The following ACOX2 variants were observed in gnomAD, a reference collection of about 807,000 sequenced individuals.
The protein encoded by ACOX2 is peroxisomal acyl-coenzyme A oxidase 2.
Under a neutral mutation model 77.5 loss-of-function variants are expected in ACOX2, and 59 were observed. That is an observed-to-expected ratio of 0.76 (90% CI 0.62 to 0.95). The LOEUF (loss-of-function observed/expected upper bound fraction) is 0.95, where lower values mean the gene tolerates loss of function less well. Among genes scored for constraint, ACOX2 ranks in the 40% least tolerant of loss-of-function variants. The pLI, the probability that ACOX2 is intolerant of heterozygous loss-of-function variation, is 0.00. For missense variants in ACOX2, 837 were observed against 880.4 expected (o/e 0.95, Z 0.62); for synonymous variants, 317 against 340.1 (o/e 0.93, Z 0.75).
rs1272039089 is a variant in ACOX2 at position 58,523,950 on chromosome 3, T to C, written c.1526+476A>G. ...CAGAATGGATGAGTCCTTGGTTTTG[T>C]CCATGTTCCCTGGAGCCTACTAGAC... is the stretch of plus-strand genomic sequence containing the variant. On this transcript the variant is annotated intron_variant, in intron 11 of 14. Coordinates refer to ENST00000302819, the MANE Select transcript of ACOX2 (RefSeq NM_003500.4). This position sits in a 1 kb window ranked among gnomAD's most constrained non-coding sequence, Gnocchi z 5.3. Among the ~76,000 whole-genome samples, 1 of 152,228 alleles carries C rather than the reference T, an allele frequency of 6.6e-6. No homozygotes were observed. The highest frequency in any genetic ancestry group is 1.5e-5 in the Non-Finnish European group (1 of 68,038).
Position 58,523,528 on chromosome 3 carries a change from G to T in ACOX2, c.1526+898C>A, listed in dbSNP as rs533800106. On this transcript the variant is annotated intron_variant, in intron 11 of 14. Transcript: ENST00000302819. This position sits in a 1 kb window ranked among gnomAD's most constrained non-coding sequence, Gnocchi z 5.3. ...ACTATTAACCATCCCTGGGACCACAGGTTGGGATATAAGACCTCTTATTAT... is the reference window on the plus strand; with the variant it reads ...ACTATTAACCATCCCTGGGACCACATGTTGGGATATAAGACCTCTTATTAT... Among the ~76,000 whole-genome samples, 20 of 152,294 alleles carry T rather than the reference G, an allele frequency of 1.3e-4. No homozygotes were observed. The highest frequency in any genetic ancestry group is 2.8e-4 in the Non-Finnish European group (19 of 68,032).
chr3:58,534,230 A>G lies in ACOX2; in HGVS notation c.324-85T>C. 1 of 1,582,856 alleles carries G rather than the reference A, an allele frequency of 6.3e-7. No individual in the cohort carries two copies. The highest frequency in any genetic ancestry group is 8.6e-7 in the Non-Finnish European group (1 of 1,166,516). ...CTGCCTGAGCAGAGTACAGGAGATA[A>G]AGGGCACCTAGCATCCTGGTTTCCC... is the stretch of plus-strand genomic sequence containing the variant. On this transcript the variant is annotated intron_variant, in intron 3 of 14. Coordinates refer to ENST00000302819, the MANE Select transcript of ACOX2 (RefSeq NM_003500.4). This position sits in a 1 kb window ranked among gnomAD's most constrained non-coding sequence, Gnocchi z 4.8.
At chr3:58,529,074 G>T in intron 8 of ACOX2, 118 bp from the exon 9 acceptor site, 1 of 1,030,156 alleles carries the variant, frequency 9.7e-7, no homozygotes, top group Non-Finnish European at 1.4e-6. Flanking sequence ...TGCAAAACTT[G>T]AACTGACATG....
Position 58,534,408 on chromosome 3 carries a change from C to T in ACOX2, c.275G>A (p.Arg92Gln), listed in dbSNP as rs201784206. 211 of 1,614,156 alleles carry T rather than the reference C, an allele frequency of 1.3e-4. No homozygotes were observed. The highest frequency in any genetic ancestry group is 1.7e-4 in the Non-Finnish European group (199 of 1,180,036). ...RRAFHIRLIA[R>Q]RLGWLEDGRE... Reference sequence around the variant, plus strand: ...ACCATCTTCTAACCAACCCAGGCGCCGAGCTATCAACCGGATGTGGAATGC... The same window carrying T: ...ACCATCTTCTAACCAACCCAGGCGCTGAGCTATCAACCGGATGTGGAATGC... Residue 92 changes from arginine (R) to glutamine (Q), a missense_variant, in exon 3 of 15, where the codon CGG (arginine) becomes CAG (glutamine). Transcript: ENST00000302819. The surrounding 1 kb of genome is among the most constrained non-coding windows in gnomAD (Gnocchi z 4.8).
chr3:58,511,209 C>T (rs2063284743), intron 13 of ACOX2: 1 of 316,864 alleles, frequency 3.2e-6, no homozygotes. Context: ...ACAACATTCT[C>T]CTGCCTTTCT....
At position 58,526,127 on chromosome 3, in the gene ACOX2, G is replaced by T. The variant is rs2063392049; in HGVS notation, c.1346+339C>A. Among the ~76,000 whole-genome samples, 2 of 152,144 alleles carry T rather than the reference G, an allele frequency of 1.3e-5. No individual in the cohort carries two copies. The highest frequency in any genetic ancestry group is 1.3e-4 in the Admixed American group (2 of 15,276). On this transcript the variant is annotated intron_variant, in intron 10 of 14. Coordinates refer to ENST00000302819, the MANE Select transcript of ACOX2 (RefSeq NM_003500.4). The surrounding 1 kb of genome is among the most constrained non-coding windows in gnomAD (Gnocchi z 4.3). Reference sequence around the variant, plus strand: ...CCTTGCAGGCCACAGCATAGAATATGTCATTTTCCTATGAGCACTGGGAAG... The same window carrying T: ...CCTTGCAGGCCACAGCATAGAATATTTCATTTTCCTATGAGCACTGGGAAG...
In ACOX2 at chr3:58,510,628, C is replaced by T. The variant is rs182578210; in HGVS notation, c.1851-1603G>A. Among the ~76,000 whole-genome samples the T allele has an allele frequency of 7.4e-4, 41 of 55,472 alleles. 1 individual carries two copies. The highest frequency in any genetic ancestry group is 2.9e-3 in the African/African-American group (38 of 12,914). The allele number at this position is 55,472 out of a possible 152,430, so 36.4% of individuals were successfully genotyped here. A position where few individuals can be genotyped will look rare whatever the true frequency, so the allele number is the denominator to read the frequency against. ...AGCTTGGGCAACAGAGCAAGACTCC[C>T]GCTCAAAAAAAAAAAAAAAAAAAAA... On this transcript the variant is annotated intron_variant, in intron 13 of 14. Transcript: ENST00000302819.
Position 58,535,119 on chromosome 3 carries a change from C to G in ACOX2, c.-13G>C. 1 of 1,614,172 alleles carries G rather than the reference C, an allele frequency of 6.2e-7. No individual in the cohort carries two copies. The highest frequency in any genetic ancestry group is 1.7e-4 in the Middle Eastern group (1 of 6,056). On this transcript the variant is annotated 5_prime_UTR_variant, in exon 2 of 15. Transcript: ENST00000302819. The surrounding 1 kb of genome is among the most constrained non-coding windows in gnomAD (Gnocchi z 4.8). ...CTGGGCTGCCCATCCTATCCTGGAT[C>G]TGTCTGGTGACTATGGAGAGACACT...
rs189223021 is a variant in ACOX2, at chr3:58,533,425, G to T, written c.583+20C>A. 3.1e-6 allele frequency: 5 copies of T among 1,604,582 alleles called. No individual in the cohort carries two copies. The highest frequency in any genetic ancestry group is 4.5e-5 in the East Asian group (2 of 44,768). On this transcript the variant is annotated intron_variant, in intron 5 of 14. Transcript: ENST00000302819. This position sits in a 1 kb window ranked among gnomAD's most constrained non-coding sequence, Gnocchi z 5.6. ...TTCTACTTGGGGAGAGTTAAGGAAG[G>T]GGGGTGGATGTATACTCACAGTCTC...
At chr3:58,507,047 GTTCACTAAGGTCAT>G (rs2063239784) in intron 14 of ACOX2, among the ~76,000 whole-genome samples, 1 of 152,178 alleles carries the variant, frequency 6.6e-6, no homozygotes, top group African/African-American at 2.4e-5. Flanking sequence ...ACTGGAAACA[GTTCACTAAGGTCAT>G]TTGTAACTTC....
At chr3:58,513,645 T>A (rs1028489849) in intron 13 of ACOX2, among the ~76,000 whole-genome samples, 1 of 152,068 alleles carries the variant, frequency 6.6e-6, no homozygotes, top group Non-Finnish European at 1.5e-5. Context: ...TTTTTTTTTT[T>A]AAGTTTTCTT....
In ACOX2 at chr3:58,534,778, A is replaced by T; in HGVS notation, c.160+169T>A. On this transcript the variant is annotated intron_variant, in intron 2 of 14. Transcript: ENST00000302819. This position sits in a 1 kb window ranked among gnomAD's most constrained non-coding sequence, Gnocchi z 4.8. ...TTCTATCCCCTAGGTGGGCTCAGGCAATATTGACATGTGAAGATTGTCTTT... is the reference window on the plus strand; with the variant it reads ...TTCTATCCCCTAGGTGGGCTCAGGCTATATTGACATGTGAAGATTGTCTTT... 7.3e-7 allele frequency: 1 copy of T among 1,365,556 alleles called. No individual in the cohort carries two copies. Among genetic ancestry groups the T allele is most frequent in the Admixed American group, 1.8e-5 (1 of 56,302 alleles). 84.6% of individuals were successfully genotyped at this position (1,365,556 alleles called of 1,614,324 possible). A position where few individuals can be genotyped will look rare whatever the true frequency, so the allele number is the denominator to read the frequency against.
intron 12 of ACOX2, among the ~76,000 whole-genome samples, chr3:58,518,797 T>C (rs1328177081): frequency 9.3e-5 from 12 of 129,470 alleles, no homozygotes; most frequent in Admixed American, 8.8e-4. Context: ...CATGCCCGGC[T>C]TTTTTTTTTT....
In ACOX2 at chr3:58,505,347, C is replaced by G; in HGVS notation, c.1984-61G>C. On this transcript the variant is annotated intron_variant, in intron 14 of 14. Transcript: ENST00000302819. The surrounding 1 kb of genome is among the most constrained non-coding windows in gnomAD (Gnocchi z 4.4). Reference sequence around the variant, plus strand: ...CATTTCTGCCAGGATTAATGACTTTCACTTTCAAATTAAGTCTCTAGCTTC... The same window carrying G: ...CATTTCTGCCAGGATTAATGACTTTGACTTTCAAATTAAGTCTCTAGCTTC... 1.5e-6 allele frequency: 2 copies of G among 1,379,224 alleles called. No individual in the cohort carries two copies. Among genetic ancestry groups the G allele is most frequent in the Non-Finnish European group, 2.0e-6 (2 of 1,002,208 alleles). The allele number at this position is 1,379,224 out of a possible 1,614,324, so 85.4% of individuals were successfully genotyped here.
At position 58,518,149 on chromosome 3, in the gene ACOX2, G is replaced by GGT. The variant is rs946472531; in HGVS notation, c.1633-728_1633-727dup. ...TGTTGTCTGCTGTGTTCAAGTCAGTGGTGTGTGTGTGTGCGTGCACATGTG... is the reference window on the plus strand; with the variant it reads ...TGTTGTCTGCTGTGTTCAAGTCAGTGGTGTGTGTGTGTGTGCGTGCACATGTG... On this transcript the variant is annotated intron_variant, in intron 12 of 14. Transcript: ENST00000302819. Among the ~76,000 whole-genome samples the GGT allele has an allele frequency of 2.0e-3, 309 of 151,240 alleles. 1 individual carries two copies. Among genetic ancestry groups the GGT allele is most frequent in the African/African-American group, 7.1e-3 (293 of 41,254 alleles).
rs1158421684 is a variant in ACOX2, at chr3:58,515,008, T to C, written c.1850+2198A>G. Among the ~76,000 whole-genome samples the C allele has an allele frequency of 6.6e-6, 1 of 152,134 alleles. No homozygotes were observed. The highest frequency in any genetic ancestry group is 2.4e-5 in the African/African-American group (1 of 41,416). Reference sequence around the variant, plus strand: ...CAAACGTATTTTTGACAGTTTTTGATGATTTAACTGAACAAACTTTTTTTT... The same window carrying C: ...CAAACGTATTTTTGACAGTTTTTGACGATTTAACTGAACAAACTTTTTTTT... On this transcript the variant is annotated intron_variant, in intron 13 of 14. Coordinates refer to ENST00000302819, the MANE Select transcript of ACOX2 (RefSeq NM_003500.4). This position sits in a 1 kb window ranked among gnomAD's most constrained non-coding sequence, Gnocchi z 4.0.
At chr3:58,508,261 T>C (rs1453890919) in intron 14 of ACOX2, among the ~76,000 whole-genome samples, 2 of 152,190 alleles carry the variant, frequency 1.3e-5, no homozygotes, top group African/African-American at 4.8e-5. Context: ...CTGTTAATGA[T>C]GTAGAGTTCT....
chr3:58,529,734 A>G (rs2063422926), intron 8 of ACOX2, among the ~76,000 whole-genome samples: 1 of 152,238 alleles, frequency 6.6e-6, no homozygotes, highest in African/African-American at 2.4e-5. Context: ...GCCAGAGGAA[A>G]GGACCCTGGG....
At position 58,533,458 on chromosome 3, in the gene ACOX2, C is replaced by T; in HGVS notation, c.570G>A (p.Trp190Ter). The T allele has an allele frequency of 6.2e-7, 1 of 1,613,740 alleles. No homozygotes were observed. Among genetic ancestry groups the T allele is most frequent in the Non-Finnish European group, 8.5e-7 (1 of 1,179,868 alleles). Reference protein sequence around the residue: ...IHSPTLTATKWWPGDLGRSAT... With the variant: ...IHSPTLTATK ...ATGTATACTCACAGTCTCCAGGCCA[C>T]CATTTGGTGGCAGTCAGCGTGGGGC... Residue 190 changes from tryptophan to a stop codon, truncating the protein, a stop_gained, in exon 5 of 15, where the codon TGG becomes TGA. Coordinates refer to ENST00000302819, the MANE Select transcript of ACOX2 (RefSeq NM_003500.4). LOFTEE classifies it high-confidence loss of function. This position sits in a 1 kb window ranked among gnomAD's most constrained non-coding sequence, Gnocchi z 5.6.
Sources: allele counts gnomAD v4.1 joint callset (sites outside exome capture counted in the v4.1 genomes callset), GRCh38; gene constraint gnomAD v4.1.1; non-coding constraint Gnocchi (gnomAD v3.1); transcripts MANE v1.5; gene names NCBI Gene and HGNC (gene_info 2026-07-23, HGNC 2026-07-21).